The following CTNNA3 variants were observed in gnomAD, a reference collection of about 807,000 sequenced individuals.
CTNNA3 encodes the protein catenin alpha-3.
A neutral mutation model predicts 95.7 loss-of-function variants in CTNNA3; 76 were observed. The observed-to-expected ratio is 0.79, with a 90% CI of 0.66 to 0.96. The LOEUF (loss-of-function observed/expected upper bound fraction) is 0.96. CTNNA3 is among the 40% of genes least tolerant of loss of function. The pLI is 0.00. For missense variants in CTNNA3, 1,191 were observed against 1,089.8 expected (o/e 1.09, Z -1.31); for synonymous variants, 431 against 374.4 (o/e 1.15, Z -1.74).
intron 17 of CTNNA3, among the ~76,000 whole-genome samples, chr10:65,930,212 A>C (rs1381574440): frequency 1.7e-4 from 25 of 150,880 alleles, no homozygotes; most frequent in Middle Eastern, 7.0e-3. Context: ...AAAAAAAAAA[A>C]AAAAAAAAAA....
At chr10:66,666,815 C>CT (rs35241654) in intron 9 of CTNNA3, among the ~76,000 whole-genome samples, 99,343 of 151,516 alleles carry the variant, frequency 0.66, 33,391 homozygotes, top group East Asian at 0.95. Context: ...AAAAAACTTA[C>CT]TTTTTTAATG....
chr10:66,615,540 TTTA>T (rs1273984637), intron 10 of CTNNA3, among the ~76,000 whole-genome samples: 2 of 151,928 alleles, frequency 1.3e-5, no homozygotes, highest in Non-Finnish European at 2.9e-5. Flanking sequence ...AAAAATATTT[TTTA>T]TTGATTGATA....
intron 11 of CTNNA3, among the ~76,000 whole-genome samples, chr10:66,457,199 G>A (rs542769720): frequency 1.3e-5 from 2 of 152,168 alleles, no homozygotes; most frequent in South Asian, 2.1e-4. Context: ...TTTAAAAACA[G>A]ATCAGTTAGA....
At chr10:67,145,293 T>C (rs554521481) in intron 7 of CTNNA3, among the ~76,000 whole-genome samples, 2 of 152,218 alleles carry the variant, frequency 1.3e-5, no homozygotes, top group African/African-American at 4.8e-5. Context: ...AATGAGTACA[T>C]GCTGTCAGAA....
intron 5 of CTNNA3, among the ~76,000 whole-genome samples, chr10:67,251,884 G>T (rs1235999266): frequency 6.6e-6 from 1 of 152,064 alleles, no homozygotes; most frequent in African/African-American, 2.4e-5. Context: ...TTTTCCACAA[G>T]ATCATCACTA....
At chr10:67,419,860 ATT>A (rs5785825) in intron 5 of CTNNA3, among the ~76,000 whole-genome samples, 12 of 148,084 alleles carry the variant, frequency 8.1e-5, no homozygotes, top group East Asian at 4.0e-4. Context: ...GTTAAACAGG[ATT>A]TTTTTTTTTT....
chr10:65,974,654 C>CT (rs2078176176), intron 16 of CTNNA3, among the ~76,000 whole-genome samples: 1 of 152,094 alleles, frequency 6.6e-6, no homozygotes, highest in African/African-American at 2.4e-5. Context: ...TGCTCACTAC[C>CT]TGGGTGATTG....
chr10:66,080,805 C>T (rs1280585538), intron 14 of CTNNA3, among the ~76,000 whole-genome samples: 1 of 152,118 alleles, frequency 6.6e-6, no homozygotes, highest in South Asian at 2.1e-4. Flanking sequence ...TGTCATTAGA[C>T]CATCTGTGTT....
At chr10:66,699,955 C>A (rs1317847033) in intron 9 of CTNNA3, among the ~76,000 whole-genome samples, 1 of 151,990 alleles carries the variant, frequency 6.6e-6, no homozygotes, top group Non-Finnish European at 1.5e-5. Context: ...CCACAGCTGG[C>A]CCACTTTGGT....
At chr10:66,394,751 C>T (rs565481795) in intron 11 of CTNNA3, among the ~76,000 whole-genome samples, 4 of 152,000 alleles carry the variant, frequency 2.6e-5, no homozygotes, top group South Asian at 4.1e-4. Flanking sequence ...AGTATTCAAT[C>T]GGGTATTATT....
At chr10:66,265,227 T>G (rs145285488) in intron 13 of CTNNA3, among the ~76,000 whole-genome samples, 1 of 152,022 alleles carries the variant, frequency 6.6e-6, no homozygotes, top group African/African-American at 2.4e-5. Context: ...AAAAGTACAC[T>G]GAATTTGGAG....
chr10:67,465,967 A>T (rs191253460), intron 5 of CTNNA3, among the ~76,000 whole-genome samples: 35 of 152,268 alleles, frequency 2.3e-4, no homozygotes, highest in Admixed American at 2.3e-3. Context: ...TCTCTATAGA[A>T]TTCCTGCAGG....
In CTNNA3 at chr10:66,169,550, G is replaced by T. The variant is rs775205285; in HGVS notation, c.1885-66301C>A. 2.6e-5 allele frequency among the ~76,000 whole-genome samples: 4 copies of T among 152,224 alleles called. No homozygotes were observed. In the East Asian group the frequency reaches 7.7e-4, roughly 29 times the overall value. On this transcript the variant is annotated intron_variant, in intron 13 of 17. Transcript: ENST00000433211. ...CTGGGTAGATACCTACAGTGGGATT[G>T]CTGGGATCAAATTGTAGTTCTACTT...
intron 7 of CTNNA3, among the ~76,000 whole-genome samples, chr10:67,028,630 C>G (rs1432165490): frequency 7.3e-6 from 1 of 136,950 alleles, no homozygotes; most frequent in Non-Finnish European, 1.5e-5. Context: ...ATAACTGATA[C>G]AACAAGCTAG....
chr10:67,631,204 A>G (rs1207184500), intron 2 of CTNNA3, among the ~76,000 whole-genome samples: 2 of 152,202 alleles, frequency 1.3e-5, no homozygotes, highest in African/African-American at 2.4e-5. Context: ...CAACTGTGTA[A>G]GTTATCACAC....
chr10:66,571,745 C>T lies in CTNNA3; in HGVS notation c.1374+49947G>A, dbSNP rs111579448. Among the ~76,000 whole-genome samples, 1,514 of 152,122 alleles carry T rather than the reference C, an allele frequency of 1.0e-2. 27 individuals are homozygous for T. The highest frequency in any genetic ancestry group is 0.035 in the African/African-American group (1,434 of 41,498). ...AGATTTATCTCATTTAACCCCATAGCGACCTTGTTAACAGTGAGATAAATC... is the reference window on the plus strand; with the variant it reads ...AGATTTATCTCATTTAACCCCATAGTGACCTTGTTAACAGTGAGATAAATC... On this transcript the variant is annotated intron_variant, in intron 10 of 17. Coordinates refer to ENST00000433211, the MANE Select transcript of CTNNA3 (RefSeq NM_013266.4).
At chr10:67,193,904 G>A (rs1031671782) in intron 6 of CTNNA3, among the ~76,000 whole-genome samples, 1 of 152,078 alleles carries the variant, frequency 6.6e-6, no homozygotes, top group Non-Finnish European at 1.5e-5. Context: ...TTTCCACAAT[G>A]GTTGAACTAA....
chr10:67,738,533 T>A (rs924586460), intron 1 of CTNNA3, among the ~76,000 whole-genome samples: 2 of 151,898 alleles, frequency 1.3e-5, no homozygotes, highest in African/African-American at 4.8e-5. Flanking sequence ...TCAGAGTGCC[T>A]CTCCTCCTCC....
At chr10:67,714,986 T>C (rs1259096916) in intron 1 of CTNNA3, among the ~76,000 whole-genome samples, 1 of 152,198 alleles carries the variant, frequency 6.6e-6, no homozygotes, top group Non-Finnish European at 1.5e-5. Flanking sequence ...CTTTCTTTTG[T>C]AAATTGCCCA....
Sources: gnomAD v4.1 joint callset for allele counts (sites outside exome capture counted in the v4.1 genomes callset) on GRCh38, gnomAD v4.1.1 for gene constraint, MANE v1.5 for transcripts, NCBI Gene and HGNC (gene_info 2026-07-23, HGNC 2026-07-21) for gene names.